GRIA2: variants seen among roughly 807,000 people sequenced by gnomAD.
GRIA2 encodes the protein glutamate ionotropic receptor AMPA type subunit 2, also known as glutamate receptor 2.
GRIA2 carries 14 observed loss-of-function variants against 97.3 expected under a neutral mutation model. That is an observed-to-expected ratio of 0.14 (90% CI 0.10 to 0.23). The LOEUF (loss-of-function observed/expected upper bound fraction) is 0.23. Among genes scored for constraint, GRIA2 ranks in the 10% least tolerant of loss-of-function variants. The probability of loss-of-function intolerance (pLI) is 1.00; values close to 1 mark genes in which losing one functional copy is unlikely to be tolerated. For missense variants in GRIA2, 558 were observed against 1,069.8 expected, an observed-to-expected ratio of 0.52 and a Z score of 6.67; for synonymous variants, 412 against 387.8, an observed-to-expected ratio of 1.06 and a Z score of -0.73.
intron 2 of GRIA2, among the ~76,000 whole-genome samples, chr4:157,230,348 AT>A (rs1387168106): frequency 2.6e-5 from 4 of 152,078 alleles, no homozygotes; most frequent in Non-Finnish European, 5.9e-5. Flanking sequence ...AAGGGAAAAT[AT>A]TTTTTTCCTT....
intron 11 of GRIA2, among the ~76,000 whole-genome samples, chr4:157,338,012 A>G (rs1166271774): frequency 0.019 from 84 of 4,406 alleles, no homozygotes; most frequent in Non-Finnish European, 0.018. Context: ...ATATGTGTAT[A>G]TATATATATA....
chr4:157,353,299 C>A (rs767416410), intron 12 of GRIA2, among the ~76,000 whole-genome samples: 1 of 151,756 alleles, frequency 6.6e-6, no homozygotes, highest in African/African-American at 2.4e-5. Flanking sequence ...TTATGGTGAG[C>A]CAAGATGGCG....
rs4403097 is a variant in GRIA2, at chr4:157,364,445, T to C, written c.*1014T>C. The C allele has an allele frequency of 0.45, 68,294 of 151,356 alleles. 18,679 individuals are homozygous for C. The highest frequency in any genetic ancestry group is 0.67 in the East Asian group (3,447 of 5,112). The allele number at this position is 151,356 out of a possible 1,614,324, so 9.4% of individuals were successfully genotyped here. On this transcript the variant is annotated 3_prime_UTR_variant, in exon 16 of 16. Coordinates refer to ENST00000264426, the MANE Select transcript of GRIA2 (RefSeq NM_001083619.3). Reference sequence around the variant, plus strand: ...GTAATCTTGCCCCCAAAGTAATATCTGAATATCTTTTTGACATGTCTAAAT... The same window carrying C: ...GTAATCTTGCCCCCAAAGTAATATCCGAATATCTTTTTGACATGTCTAAAT...
intron 2 of GRIA2, among the ~76,000 whole-genome samples, chr4:157,254,852 A>G (rs1000185202): frequency 1.3e-5 from 2 of 152,094 alleles, no homozygotes; most frequent in Non-Finnish European, 2.9e-5. Flanking sequence ...CTGGTCACCA[A>G]TCATGAATTA....
At chr4:157,237,661 T>G (rs930500928) in intron 2 of GRIA2, among the ~76,000 whole-genome samples, 13 of 151,988 alleles carry the variant, frequency 8.6e-5, no homozygotes, top group Non-Finnish European at 1.6e-4. Context: ...ATAAAGAAAA[T>G]TAAAACTGTA....
At chr4:157,343,400 G>A (rs192057154) in intron 12 of GRIA2, among the ~76,000 whole-genome samples, 35 of 152,094 alleles carry the variant, frequency 2.3e-4, no homozygotes, top group African/African-American at 8.4e-4. Flanking sequence ...AGTATGCTGA[G>A]GTCTTTTCCT....
intron 6 of GRIA2, among the ~76,000 whole-genome samples, chr4:157,322,434 G>A (rs750657698): frequency 2.7e-4 from 41 of 152,082 alleles, no homozygotes; most frequent in Non-Finnish European, 4.7e-4. Flanking sequence ...TGTTCCTCAG[G>A]TATAAGAGCT....
upstream of GRIA2, chr4:157,220,591 G>T (rs539260589): frequency 1.6e-4 from 24 of 153,090 alleles, no homozygotes; most frequent in South Asian, 4.9e-3. Context: ...CGCGAGTCGC[G>T]CACGCGCGCC....
At chr4:157,351,675 G>A (rs1736016566) in intron 12 of GRIA2, among the ~76,000 whole-genome samples, 1 of 152,138 alleles carries the variant, frequency 6.6e-6, no homozygotes, top group Admixed American at 6.5e-5. Context: ...CATGTGTCAA[G>A]GAAGAGACCA....
intron 2 of GRIA2, among the ~76,000 whole-genome samples, chr4:157,287,033 T>G (rs886722633): frequency 6.6e-6 from 1 of 151,598 alleles, no homozygotes; most frequent in Non-Finnish European, 1.5e-5. Context: ...TACTGTCTCC[T>G]ATTCTCTATT....
intron 6 of GRIA2, among the ~76,000 whole-genome samples, chr4:157,331,627 T>C (rs1014976879): frequency 1.3e-5 from 2 of 152,028 alleles, no homozygotes; most frequent in African/African-American, 4.8e-5. Flanking sequence ...TCAAGAAGTC[T>C]TTTATTAAGT....
intron 2 of GRIA2, among the ~76,000 whole-genome samples, chr4:157,297,548 G>A (rs1255471790): frequency 1.3e-5 from 2 of 152,094 alleles, no homozygotes; most frequent in African/African-American, 2.4e-5. Context: ...ACATGACTAA[G>A]CTCAGACAGA....
intron 2 of GRIA2, among the ~76,000 whole-genome samples, chr4:157,236,843 T>C (rs1434301410): frequency 6.6e-6 from 1 of 152,152 alleles, no homozygotes; most frequent in Non-Finnish European, 1.5e-5. Flanking sequence ...TTGGTCTATT[T>C]ATGGGTGAGT....
intron 6 of GRIA2, among the ~76,000 whole-genome samples, chr4:157,325,520 A>G (rs930737499): frequency 3.9e-5 from 6 of 152,214 alleles, no homozygotes; most frequent in Non-Finnish European, 8.8e-5. Context: ...TACAGTCTTC[A>G]GACTAGAAAC....
chr4:157,246,179 G>A (rs1730723303), intron 2 of GRIA2, among the ~76,000 whole-genome samples: 1 of 152,004 alleles, frequency 6.6e-6, no homozygotes, highest in Admixed American at 6.6e-5. Flanking sequence ...TCAATATACA[G>A]TTTATTTCTT....
chr4:157,342,333 A>C, intron 12 of GRIA2: 2 of 985,128 alleles, frequency 2.0e-6, no homozygotes, highest in Non-Finnish European at 2.4e-6. Context: ...ATTACCTCTG[A>C]TCTCTTTTCT....
chr4:157,290,683 T>G (rs1052969050), intron 2 of GRIA2, among the ~76,000 whole-genome samples: 4 of 151,878 alleles, frequency 2.6e-5, no homozygotes, highest in Admixed American at 2.0e-4. Flanking sequence ...GTATGACATA[T>G]GCCTTAACTT....
At chr4:157,269,213 GA>G (rs1561019629) in intron 2 of GRIA2, among the ~76,000 whole-genome samples, 1 of 151,952 alleles carries the variant, frequency 6.6e-6, no homozygotes, top group Admixed American at 6.6e-5. Flanking sequence ...GGAAGACATG[GA>G]AAATCATTTT....
chr4:157,303,507 G>T (rs973199018), intron 2 of GRIA2, 45 bp from the exon 3 acceptor site: 13 of 1,575,618 alleles, frequency 8.3e-6, no homozygotes, highest in Non-Finnish European at 1.0e-5. Flanking sequence ...ATGATTGTGT[G>T]CCAATTTCAA....
Sources: allele counts gnomAD v4.1 joint callset (sites outside exome capture counted in the v4.1 genomes callset), GRCh38; gene constraint gnomAD v4.1.1; transcripts MANE v1.5; gene names NCBI Gene and HGNC (gene_info 2026-07-23, HGNC 2026-07-21).